The following SDK1 variants were observed in gnomAD, a reference collection of about 807,000 sequenced individuals.
The protein encoded by SDK1 is protein sidekick-1.
Under a neutral mutation model 245.5 loss-of-function variants are expected in SDK1, and 157 were observed. The observed-to-expected ratio is 0.64, with a 90% CI of 0.56 to 0.73. The LOEUF is 0.73. Among genes scored for constraint, SDK1 ranks in the 30% least tolerant of loss-of-function variants. The pLI, the probability that SDK1 is intolerant of heterozygous loss-of-function variation, is 0.00. For missense variants in SDK1, 3,583 were observed against 3,002.3 expected, an observed-to-expected ratio of 1.19 and a Z score of -4.52; for synonymous variants, 1,647 against 1,278.5, an observed-to-expected ratio of 1.29 and a Z score of -6.15.
intron 1 of SDK1, among the ~76,000 whole-genome samples, chr7:3,472,928 C>G (rs1781228982): frequency 6.6e-6 from 1 of 152,170 alleles, no homozygotes; most frequent in Non-Finnish European, 1.5e-5. Context: ...GCACTGCTAA[C>G]ATAATAAAAT....
intron 1 of SDK1, among the ~76,000 whole-genome samples, chr7:3,327,012 T>C (rs1402581897): frequency 6.6e-6 from 1 of 152,216 alleles, no homozygotes; most frequent in Non-Finnish European, 1.5e-5. Flanking sequence ...GCTCTTAGGT[T>C]GAATAATCTT....
intron 1 of SDK1, among the ~76,000 whole-genome samples, chr7:3,376,112 G>A (rs1377555078): frequency 6.6e-6 from 1 of 152,130 alleles, no homozygotes; most frequent in Non-Finnish European, 1.5e-5. Context: ...TAGGAGGATT[G>A]CTTGGGCCCA....
At chr7:3,819,244 AT>A (rs1779586083) in intron 4 of SDK1, among the ~76,000 whole-genome samples, 1 of 149,676 alleles carries the variant, frequency 6.7e-6, no homozygotes, top group East Asian at 1.9e-4. Flanking sequence ...TTTTTTTTTC[AT>A]GAATTTTGGC....
Position 3,450,601 on chromosome 7 carries a change from G to A in SDK1, c.298+148717G>A, listed in dbSNP as rs1451813819. Among the ~76,000 whole-genome samples the A allele has an allele frequency of 2.6e-5, 4 of 152,310 alleles. No individual in the cohort carries two copies. In the South Asian group the frequency reaches 8.3e-4, roughly 32 times the overall value. The stretch of plus-strand genomic sequence containing the variant: ...CGAGGGGAGGAATGAGTTTGGGAAT[G>A]GGAAGCTAGTGAGTTCTGTTTTAGA... On this transcript the variant is annotated intron_variant, in intron 1 of 44. Transcript: ENST00000404826.
At chr7:3,357,857 C>CT (rs1583737430) in intron 1 of SDK1, among the ~76,000 whole-genome samples, 1 of 152,132 alleles carries the variant, frequency 6.6e-6, no homozygotes, top group East Asian at 1.9e-4. Flanking sequence ...GTATTTTCCC[C>CT]TTTGCAGGCT....
At chr7:3,962,290 C>G (rs191596596) in intron 8 of SDK1, among the ~76,000 whole-genome samples, 1 of 152,248 alleles carries the variant, frequency 6.6e-6, no homozygotes, top group Non-Finnish European at 1.5e-5. Flanking sequence ...CCCAAGCCCT[C>G]CCGCGGTGGC....
chr7:4,050,001 AGT>A (rs1488976205), intron 18 of SDK1, among the ~76,000 whole-genome samples: 3 of 152,182 alleles, frequency 2.0e-5, no homozygotes, highest in Admixed American at 6.5e-5. Context: ...TAGCTACCAG[AGT>A]GTGTTAACTT....
At chr7:3,384,940 G>C (rs949058236) in intron 1 of SDK1, among the ~76,000 whole-genome samples, 1 of 152,134 alleles carries the variant, frequency 6.6e-6, no homozygotes, top group Non-Finnish European at 1.5e-5. Context: ...TGTGGCATAC[G>C]CCCTGCTGCC....
intron 44 of SDK1, among the ~76,000 whole-genome samples, chr7:4,246,700 G>T (rs929519059): frequency 6.6e-6 from 1 of 152,090 alleles, no homozygotes; most frequent in Non-Finnish European, 1.5e-5. Context: ...GGTGAATCCA[G>T]ACTTGGGATG....
intron 22 of SDK1, among the ~76,000 whole-genome samples, chr7:4,106,598 C>G (rs990204504): frequency 6.6e-6 from 1 of 152,140 alleles, no homozygotes; most frequent in Non-Finnish European, 1.5e-5. Context: ...GCCCGGCCAG[C>G]CCCCGTTTGT....
At chr7:3,951,166 A>G (rs1780802916) in intron 6 of SDK1, 132 bp downstream of exon 6, 2 of 681,858 alleles carry the variant, frequency 2.9e-6, no homozygotes, top group East Asian at 2.8e-5. Context: ...CGGGTGGGCC[A>G]TGAATACGAG....
chr7:3,412,847 T>C (rs369845702), intron 1 of SDK1, among the ~76,000 whole-genome samples: 17 of 152,328 alleles, frequency 1.1e-4, no homozygotes, highest in Admixed American at 4.6e-4. Flanking sequence ...ATGCATATTA[T>C]TTTTAATCAC....
intron 42 of SDK1, among the ~76,000 whole-genome samples, chr7:4,241,038 C>T (rs993039609): frequency 5.3e-5 from 8 of 152,080 alleles, no homozygotes; most frequent in Non-Finnish European, 1.0e-4. Flanking sequence ...TTATGTTGTT[C>T]GGTTTTTCAG....
intron 5 of SDK1, among the ~76,000 whole-genome samples, chr7:3,851,978 G>A (rs1345660319): frequency 6.6e-6 from 1 of 152,122 alleles, no homozygotes; most frequent in East Asian, 1.9e-4. Flanking sequence ...ATTTAATGCC[G>A]CTGGTGCACT....
chr7:3,515,151 A>C (rs768180941), intron 1 of SDK1, among the ~76,000 whole-genome samples: 1 of 152,124 alleles, frequency 6.6e-6, no homozygotes, highest in Non-Finnish European at 1.5e-5. Context: ...GGTGCAGTCA[A>C]TTCTCATTCT....
At chr7:3,798,218 T>A (rs1320719828) in intron 4 of SDK1, among the ~76,000 whole-genome samples, 4 of 142,686 alleles carry the variant, frequency 2.8e-5, no homozygotes, top group Non-Finnish European at 6.1e-5. Flanking sequence ...ACTCTTTTTT[T>A]TTTTTTTTTT....
intron 14 of SDK1, among the ~76,000 whole-genome samples, chr7:3,992,436 G>A (rs1784402157): frequency 6.6e-6 from 1 of 152,162 alleles, no homozygotes; most frequent in African/African-American, 2.4e-5. Flanking sequence ...CCTGGGTCAA[G>A]GCACCCACCT....
chr7:3,345,222 A>G (rs1434041302), intron 1 of SDK1, among the ~76,000 whole-genome samples: 1 of 152,192 alleles, frequency 6.6e-6, no homozygotes. Context: ...TATAGTGAAA[A>G]TGCTTATGCT....
In SDK1 at chr7:4,077,024, G is replaced by A. The variant is rs138646463; in HGVS notation, c.3037G>A (p.Gly1013Ser). 395 of 1,614,080 alleles carry A rather than the reference G, an allele frequency of 2.4e-4. No individual in the cohort carries two copies. The African/African-American group carries it at 3.8e-3, about 16-fold the overall frequency. ...TGYQISWEVY[G>S]RNDSRLTHTL... ...CTATCAGATCTCTTGGGAAGTGTAC[G>A]GCAGGAACGACTCTCGTCTCACGCA... The change falls in exon 21 of 45, where the codon GGC (glycine) becomes AGC (serine). Residue 1013 changes from glycine (G) to serine (S), a missense_variant. Gly to Ser is a moderately conservative substitution (Grantham distance 56, BLOSUM62 0). Coordinates refer to ENST00000404826, the MANE Select transcript of SDK1 (RefSeq NM_152744.4).
Sources: allele counts gnomAD v4.1 joint callset (sites outside exome capture counted in the v4.1 genomes callset), GRCh38; gene constraint gnomAD v4.1.1; transcripts MANE v1.5; gene names NCBI Gene and HGNC (gene_info 2026-07-23, HGNC 2026-07-21).